GRHL1: variants seen among roughly 807,000 people sequenced by gnomAD.
GRHL1 encodes grainyhead like transcription factor 1.
Under a neutral mutation model 75.7 loss-of-function variants are expected in GRHL1, and 38 were observed. The ratio of observed to expected loss-of-function variants is 0.50; its 90% CI spans 0.39 to 0.66. The LOEUF (loss-of-function observed/expected upper bound fraction) is 0.66, where lower values mean the gene tolerates loss of function less well. Ranked by LOEUF, GRHL1 falls within the 30% of genes least tolerant of loss-of-function variation. GRHL1 has a pLI of 0.00. For missense variants in GRHL1, 589 were observed against 767.5 expected, an observed-to-expected ratio of 0.77 and a Z score of 2.75; for synonymous variants, 266 against 279.4, an observed-to-expected ratio of 0.95 and a Z score of 0.48.
At chr2:9,955,173 C>A in intron 2 of GRHL1, 72 bp downstream of exon 2, 1 of 985,842 alleles carries the variant, frequency 1.0e-6, no homozygotes, top group Non-Finnish European at 1.5e-6. Context: ...TAGAAACAGA[C>A]ATTTGCTGGT....
At chr2:9,994,069 T>C (rs1335954622) in intron 12 of GRHL1, among the ~76,000 whole-genome samples, 1 of 141,696 alleles carries the variant, frequency 7.1e-6, no homozygotes, top group African/African-American at 2.8e-5. Flanking sequence ...GGGCTGACGC[T>C]ACCCCTCTTT....
At chr2:9,995,543 C>T (rs1478296712) in intron 12 of GRHL1, among the ~76,000 whole-genome samples, 1 of 151,652 alleles carries the variant, frequency 6.6e-6, no homozygotes, top group African/African-American at 2.4e-5. Flanking sequence ...CATGATTGCA[C>T]CACTGCACTC....
At chr2:9,971,077 G>A (rs941926649) in intron 8 of GRHL1, among the ~76,000 whole-genome samples, 5 of 152,088 alleles carry the variant, frequency 3.3e-5, no homozygotes, top group African/African-American at 1.2e-4. Context: ...AAGTCTTTCT[G>A]CTTGTGGGAT....
intron 8 of GRHL1, among the ~76,000 whole-genome samples, chr2:9,975,323 A>T (rs1317326620): frequency 1.3e-5 from 2 of 152,244 alleles, no homozygotes; most frequent in Non-Finnish European, 2.9e-5. Flanking sequence ...AGCAATTGAA[A>T]ACTAAAAGTG....
chr2:9,992,392 G>A lies in GRHL1; in HGVS notation c.1461+246G>A, dbSNP rs138869615. Among the ~76,000 whole-genome samples, 672 of 152,234 alleles carry A rather than the reference G, an allele frequency of 4.4e-3. 5 individuals carry two copies. The highest frequency in any genetic ancestry group is 0.016 in the African/African-American group (645 of 41,534). ...TTTGTATTCATTCATTCATTCGTTCGTTCTTCATACCTACATATCCTAGCT... is the reference window on the plus strand; with the variant it reads ...TTTGTATTCATTCATTCATTCGTTCATTCTTCATACCTACATATCCTAGCT... On this transcript the variant is annotated intron_variant, in intron 11 of 15. Transcript: ENST00000324907. The surrounding 1 kb of genome is among the most constrained non-coding windows in gnomAD (Gnocchi z 4.6).
chr2:9,997,497 C>T (rs1212469287), intron 14 of GRHL1, among the ~76,000 whole-genome samples: 1 of 152,108 alleles, frequency 6.6e-6, no homozygotes, highest in African/African-American at 2.4e-5. Flanking sequence ...TCTTTTCTTG[C>T]CTTTTGATGA....
chr2:9,978,814 C>T (rs543639893), intron 8 of GRHL1, among the ~76,000 whole-genome samples: 9 of 152,102 alleles, frequency 5.9e-5, no homozygotes, highest in Admixed American at 2.6e-4. Context: ...AACATGGTGA[C>T]GCCCCGTCTC....
At chr2:9,978,930 T>G (rs144774989) in intron 8 of GRHL1, among the ~76,000 whole-genome samples, 5,108 of 150,504 alleles carry the variant, frequency 0.034, 301 homozygotes, top group African/African-American at 0.12. Context: ...GGCGGAGGTT[T>G]CAGTGAGCTG....
chr2:9,981,168 T>C (rs1334621063), intron 8 of GRHL1, among the ~76,000 whole-genome samples: 1 of 152,232 alleles, frequency 6.6e-6, no homozygotes, highest in Non-Finnish European at 1.5e-5. Flanking sequence ...TAAACAAAAC[T>C]GTTCAGTTGC....
chr2:9,993,972 C>A (rs1668749986), intron 12 of GRHL1, among the ~76,000 whole-genome samples: 1 of 152,132 alleles, frequency 6.6e-6, no homozygotes, highest in South Asian at 2.1e-4. Flanking sequence ...ATTCATTAGT[C>A]ATTTACTTTG....
intron 8 of GRHL1, among the ~76,000 whole-genome samples, chr2:9,972,570 G>A (rs193295455): frequency 2.6e-4 from 39 of 152,202 alleles, no homozygotes; most frequent in African/African-American, 8.7e-4. Context: ...TAGGGATTTT[G>A]CTTTTAGCTT....
intron 2 of GRHL1, among the ~76,000 whole-genome samples, chr2:9,956,553 C>T (rs1667033580): frequency 6.6e-6 from 1 of 151,924 alleles, no homozygotes; most frequent in African/African-American, 2.4e-5. Flanking sequence ...TGATTATTTC[C>T]TAGTATGAGG....
chr2:9,970,455 C>T (rs1667676984), intron 8 of GRHL1, among the ~76,000 whole-genome samples: 5 of 144,980 alleles, frequency 3.4e-5, no homozygotes, highest in Admixed American at 3.4e-4. Flanking sequence ...AACTTGGTTG[C>T]TTTGGAAAGT....
chr2:9,964,311 G>A lies in GRHL1; in HGVS notation c.980G>A (p.Arg327Gln), dbSNP rs776141348. ...QLRHWKYWHS[R>Q]QHTAKQRCID... ...AGGCATTGGAAGTACTGGCACTCCCGGCAGCACACCGCTAAACAAAGATGC... is the reference window on the plus strand; with the variant it reads ...AGGCATTGGAAGTACTGGCACTCCCAGCAGCACACCGCTAAACAAAGATGC... Residue 327 changes from arginine to glutamine, a missense_variant, in exon 7 of 16, where the codon CGG becomes CAG. Physicochemically the swap from Arg to Gln is conservative, Grantham distance 43. Transcript: ENST00000324907. The A allele has an allele frequency of 1.9e-6, 3 of 1,610,112 alleles. No individual in the cohort carries two copies. The highest frequency in any genetic ancestry group is 1.1e-5 in the South Asian group (1 of 90,958).
chr2:9,952,228 C>T (rs1423357252), intron 1 of GRHL1, among the ~76,000 whole-genome samples: 1 of 152,096 alleles, frequency 6.6e-6, no homozygotes, highest in Non-Finnish European at 1.5e-5. Flanking sequence ...CCGCCCCCCT[C>T]TCCTGCCCGG....
intron 3 of GRHL1, chr2:9,960,299 T>C (rs1283341727): frequency 6.6e-6 from 1 of 151,668 alleles, no homozygotes; most frequent in Non-Finnish European, 1.5e-5. Flanking sequence ...ATTAGCCAAG[T>C]GTGGTGGCGT....
At position 9,961,195 on chromosome 2, in the gene GRHL1, C is replaced by T. The variant is rs747569983; in HGVS notation, c.428C>T (p.Thr143Met). 1.3e-5 allele frequency: 21 copies of T among 1,614,058 alleles called. No individual in the cohort carries two copies. Among genetic ancestry groups the T allele is most frequent in the African/African-American group, 8.0e-5 (6 of 75,024 alleles). ...DKRGHLTAPD[T>M]TVTVSIATMP... ...AGAGGCCATCTGACAGCTCCAGATACGACAGTCACTGTCTCCATAGCAACG... is the reference window on the plus strand; with the variant it reads ...AGAGGCCATCTGACAGCTCCAGATATGACAGTCACTGTCTCCATAGCAACG... The change falls in exon 4 of 16, where the codon ACG becomes ATG. Residue 143 changes from threonine (T) to methionine (M), a missense_variant. This residue lies in a region of GRHL1 where 362 missense variants were observed against 461.8 expected (regional missense o/e 0.78). Coordinates refer to ENST00000324907, the MANE Select transcript of GRHL1 (RefSeq NM_198182.3).
intron 8 of GRHL1, among the ~76,000 whole-genome samples, chr2:9,975,736 A>G (rs953171793): frequency 1.3e-5 from 2 of 149,018 alleles, no homozygotes; most frequent in South Asian, 4.3e-4. Flanking sequence ...AAAAAAAAAA[A>G]TTATCTGAGT....
chr2:9,996,600 G>A (rs1187748658), intron 14 of GRHL1, among the ~76,000 whole-genome samples, 199 bp downstream of exon 14: 1 of 152,180 alleles, frequency 6.6e-6, no homozygotes, highest in Non-Finnish European at 1.5e-5. Context: ...AGTCACACCT[G>A]TTCCACTGAA....
Sources: allele counts gnomAD v4.1 joint callset (sites outside exome capture counted in the v4.1 genomes callset), GRCh38; gene constraint gnomAD v4.1.1; regional missense constraint gnomAD v4.1.1; non-coding constraint Gnocchi (gnomAD v3.1); transcripts MANE v1.5; gene names NCBI Gene and HGNC (gene_info 2026-07-23, HGNC 2026-07-21).